The following ASIC2 variants were observed in gnomAD, a reference collection of about 807,000 sequenced individuals.
ASIC2 encodes the protein acid-sensing ion channel 2.
In ASIC2, 25 loss-of-function variants were observed where a neutral mutation model predicts 57.3. The ratio of observed to expected loss-of-function variants is 0.44; its 90% confidence interval spans 0.32 to 0.61. The LOEUF is 0.61. Ranked by LOEUF, ASIC2 falls within the 20% of genes least tolerant of loss-of-function variation. The pLI, the probability that ASIC2 is intolerant of heterozygous loss-of-function variation, is 0.06. For missense variants in ASIC2, 641 were observed against 738.1 expected (o/e 0.87, Z 1.52); for synonymous variants, 319 against 307.5 (o/e 1.04, Z -0.39).
At chr17:33,040,270 G>A (rs73275808) in intron 3 of ASIC2, among the ~76,000 whole-genome samples, 2,874 of 152,324 alleles carry the variant, frequency 0.019, 97 homozygotes, top group African/African-American at 0.065. Flanking sequence ...AATGACCTAT[G>A]GTTCCAATGA....
At chr17:33,727,202 A>C (rs1356951628) in intron 1 of ASIC2, among the ~76,000 whole-genome samples, 2 of 152,194 alleles carry the variant, frequency 1.3e-5, no homozygotes, top group Non-Finnish European at 2.9e-5. Flanking sequence ...CTATAGCTAA[A>C]AAAAGAAGAA....
At chr17:33,313,436 A>G (rs1906516283) in intron 1 of ASIC2, among the ~76,000 whole-genome samples, 2 of 152,098 alleles carry the variant, frequency 1.3e-5, no homozygotes, top group South Asian at 4.1e-4. Context: ...TTTAAGAGTT[A>G]TTCTTTTCTT....
intron 1 of ASIC2, among the ~76,000 whole-genome samples, chr17:33,754,957 C>CAA (rs58392305): frequency 0.031 from 1,784 of 57,612 alleles, 151 homozygotes; most frequent in East Asian, 0.22. Flanking sequence ...GACTCCATCT[C>CAA]AAAAAAAAAA....
intron 1 of ASIC2, among the ~76,000 whole-genome samples, chr17:34,107,482 A>C (rs976799204): frequency 9.9e-5 from 15 of 152,192 alleles, no homozygotes; most frequent in Non-Finnish European, 1.5e-4. Flanking sequence ...GTACCCCAGC[A>C]TGAGTGACAG....
At chr17:33,153,711 C>T (rs957993908) in intron 1 of ASIC2, among the ~76,000 whole-genome samples, 1 of 152,172 alleles carries the variant, frequency 6.6e-6, no homozygotes, top group South Asian at 2.1e-4. Flanking sequence ...AAAGACAGAC[C>T]TATTGCCCTC....
At chr17:33,873,157 A>G (rs1398795596) in intron 1 of ASIC2, among the ~76,000 whole-genome samples, 1 of 152,056 alleles carries the variant, frequency 6.6e-6, no homozygotes, top group African/African-American at 2.4e-5. Flanking sequence ...TTTGCTCTCC[A>G]TTTTCCTTCA....
intron 1 of ASIC2, among the ~76,000 whole-genome samples, chr17:33,503,185 G>A (rs780105947): frequency 1.3e-5 from 2 of 152,202 alleles, no homozygotes; most frequent in African/African-American, 2.4e-5. Flanking sequence ...ATGGAACGGC[G>A]TTGGAGATGA....
intron 1 of ASIC2, among the ~76,000 whole-genome samples, chr17:33,819,545 T>C (rs910356139): frequency 3.3e-5 from 5 of 152,234 alleles, no homozygotes; most frequent in Admixed American, 3.3e-4. Flanking sequence ...GGGCATACTC[T>C]AGAATTAAGT....
chr17:33,372,365 G>C (rs907897816), intron 1 of ASIC2, among the ~76,000 whole-genome samples: 3 of 152,110 alleles, frequency 2.0e-5, no homozygotes, highest in African/African-American at 7.2e-5. Context: ...TCCTTTGTGG[G>C]TGGCCTGTGT....
intron 1 of ASIC2, among the ~76,000 whole-genome samples, chr17:33,884,876 ATGT>A (rs1914790959): frequency 6.6e-6 from 1 of 152,132 alleles, no homozygotes; most frequent in Non-Finnish European, 1.5e-5. Flanking sequence ...CATTCAGTAA[ATGT>A]TGTGTTGAAT....
At chr17:34,110,023 A>G (rs1026591297) in intron 1 of ASIC2, among the ~76,000 whole-genome samples, 8 of 152,124 alleles carry the variant, frequency 5.3e-5, no homozygotes, top group African/African-American at 1.9e-4. Context: ...TATTTCTAAA[A>G]TTCGTATTTT....
chr17:33,419,342 G>A (rs970608032), intron 1 of ASIC2, among the ~76,000 whole-genome samples: 9 of 152,310 alleles, frequency 5.9e-5, no homozygotes, highest in African/African-American at 1.7e-4. Flanking sequence ...AATGTCAAGA[G>A]GTACGCCCAT....
At chr17:33,269,615 CT>C (rs1904368583) in intron 1 of ASIC2, among the ~76,000 whole-genome samples, 2 of 31,722 alleles carry the variant, frequency 6.3e-5, no homozygotes, top group South Asian at 1.6e-3. Context: ...GGCTCCTTCC[CT>C]TCCTTCCTTC....
chr17:33,762,345 G>A (rs565989708), intron 1 of ASIC2, among the ~76,000 whole-genome samples: 19 of 152,298 alleles, frequency 1.2e-4, no homozygotes, highest in African/African-American at 4.3e-4. Context: ...TGTTTTGGAT[G>A]GGGAGAAGAA....
At chr17:33,845,619 C>G in intron 1 of ASIC2, among the ~76,000 whole-genome samples, 1 of 152,148 alleles carries the variant, frequency 6.6e-6, no homozygotes, top group Admixed American at 6.5e-5. Flanking sequence ...CATAGTCCTG[C>G]TGAGATGATG....
At chr17:33,444,512 C>T (rs1911941611) in intron 1 of ASIC2, among the ~76,000 whole-genome samples, 1 of 152,198 alleles carries the variant, frequency 6.6e-6, no homozygotes, top group African/African-American at 2.4e-5. Context: ...GAAAGGCTGC[C>T]TTACATCTCT....
intron 1 of ASIC2, among the ~76,000 whole-genome samples, chr17:33,809,390 A>T (rs12453424): frequency 0.13 from 20,123 of 152,234 alleles, 1,424 homozygotes; most frequent in East Asian, 0.19. Context: ...CACAGTGTGG[A>T]TTCATAGGCA....
chr17:34,040,857 C>G (rs1029899212), intron 1 of ASIC2, among the ~76,000 whole-genome samples: 6 of 152,188 alleles, frequency 3.9e-5, no homozygotes, highest in African/African-American at 1.4e-4. Flanking sequence ...GAGTTAACAT[C>G]ATTAACTAGT....
chr17:34,142,920 A>G (rs544712090), intron 1 of ASIC2: 1 of 152,358 alleles, frequency 6.6e-6, no homozygotes, highest in South Asian at 2.1e-4. Flanking sequence ...ACTTGGAGAA[A>G]TGTCAAGTGT....
Sources: allele counts gnomAD v4.1 joint callset (sites outside exome capture counted in the v4.1 genomes callset), GRCh38; gene constraint gnomAD v4.1.1; transcripts MANE v1.5; gene names NCBI Gene and HGNC (gene_info 2026-07-23, HGNC 2026-07-21).